Variants in ATP8A2 observed in about 807,000 individuals in gnomAD.
ATP8A2 encodes phospholipid-transporting ATPase IB.
In ATP8A2, 100 loss-of-function variants were observed where a neutral mutation model predicts 165.6. That is an observed-to-expected ratio of 0.60 (90% CI 0.51 to 0.71). ATP8A2 has a LOEUF of 0.71. Among genes scored for constraint, ATP8A2 ranks in the 30% least tolerant of loss-of-function variants. The pLI, the probability that ATP8A2 is intolerant of heterozygous loss-of-function variation, is 0.00. For missense variants in ATP8A2, 1,227 were observed against 1,479.5 expected (o/e 0.83, Z 2.80); for synonymous variants, 543 against 548.8 (o/e 0.99, Z 0.15).
chr13:25,599,916 T>G (rs1197018773), intron 24 of ATP8A2, among the ~76,000 whole-genome samples: 5 of 152,214 alleles, frequency 3.3e-5, no homozygotes, highest in Non-Finnish European at 2.9e-5. Context: ...ACCTTTGGAA[T>G]ATTTCTTAGA....
chr13:25,930,343 G>C (rs192289909), intron 33 of ATP8A2, among the ~76,000 whole-genome samples: 1 of 152,092 alleles, frequency 6.6e-6, no homozygotes, highest in African/African-American at 2.4e-5. Flanking sequence ...TAGCTTCCCC[G>C]TAAAGCACTA....
intron 2 of ATP8A2, among the ~76,000 whole-genome samples, chr13:25,505,414 T>G (rs1417955819): frequency 2.0e-5 from 3 of 152,242 alleles, no homozygotes; most frequent in Non-Finnish European, 4.4e-5. Context: ...TTTTAAAGTC[T>G]GATTAGTAAA....
chr13:25,444,878 T>C (rs1365500712), intron 1 of ATP8A2, among the ~76,000 whole-genome samples: 1 of 152,178 alleles, frequency 6.6e-6, no homozygotes, highest in Admixed American at 6.5e-5. Flanking sequence ...ACTCAGATGA[T>C]CCACCTGCCT....
At chr13:25,595,532 A>G (rs951026428) in intron 24 of ATP8A2, among the ~76,000 whole-genome samples, 2 of 152,022 alleles carry the variant, frequency 1.3e-5, no homozygotes, top group African/African-American at 4.8e-5. Flanking sequence ...AGCCCTTCCC[A>G]TTTTGCTGGC....
At chr13:25,592,025 C>A (rs2040096491) in intron 24 of ATP8A2, among the ~76,000 whole-genome samples, 2 of 106,952 alleles carry the variant, frequency 1.9e-5, no homozygotes, top group East Asian at 3.9e-4. Flanking sequence ...CTTGCCAACA[C>A]TGGTTTTTTT....
At chr13:25,826,430 G>A (rs1265658508) in intron 27 of ATP8A2, among the ~76,000 whole-genome samples, 5 of 152,146 alleles carry the variant, frequency 3.3e-5, no homozygotes, top group African/African-American at 7.2e-5. Flanking sequence ...TTGATCTCAC[G>A]GGGACTTGGT....
At chr13:25,630,652 C>T (rs1163859634) in intron 24 of ATP8A2, among the ~76,000 whole-genome samples, 1 of 152,162 alleles carries the variant, frequency 6.6e-6, no homozygotes. Context: ...ATGGGCTCTA[C>T]AGGAAATCTT....
chr13:25,842,401 G>A (rs887909399), intron 30 of ATP8A2, among the ~76,000 whole-genome samples: 4 of 152,174 alleles, frequency 2.6e-5, no homozygotes, highest in Non-Finnish European at 4.4e-5. Flanking sequence ...GTGGCTGGGC[G>A]TGGTGTCTCA....
At chr13:26,010,634 G>A (rs764879242) in intron 35 of ATP8A2, among the ~76,000 whole-genome samples, 19 of 152,188 alleles carry the variant, frequency 1.2e-4, no homozygotes, top group South Asian at 2.1e-4. Flanking sequence ...GTGGACAGTC[G>A]GTGATGGCAG....
intron 24 of ATP8A2, among the ~76,000 whole-genome samples, chr13:25,603,215 C>T (rs529959784): frequency 2.8e-4 from 43 of 152,194 alleles, no homozygotes; most frequent in South Asian, 1.0e-3. Context: ...TGGCTAGGCA[C>T]GGTGGCTCAC....
intron 33 of ATP8A2, among the ~76,000 whole-genome samples, chr13:25,942,521 C>A (rs534786395): frequency 3.5e-4 from 53 of 152,334 alleles, no homozygotes; most frequent in Non-Finnish European, 4.9e-4. Context: ...CTCCCGGGCT[C>A]AAGCGATTCT....
intron 28 of ATP8A2, among the ~76,000 whole-genome samples, chr13:25,828,477 G>T (rs1038697530): frequency 2.6e-5 from 4 of 152,160 alleles, no homozygotes; most frequent in African/African-American, 9.7e-5. Flanking sequence ...ACATGCCTGT[G>T]CAACACTTTC....
At chr13:25,928,342 G>A (rs756379548) in intron 33 of ATP8A2, among the ~76,000 whole-genome samples, 6 of 152,154 alleles carry the variant, frequency 3.9e-5, no homozygotes, top group Non-Finnish European at 5.9e-5. Context: ...CATTTATTCC[G>A]TTGACTTCTC....
At chr13:25,600,636 C>G (rs1016964646) in intron 24 of ATP8A2, among the ~76,000 whole-genome samples, 1 of 152,170 alleles carries the variant, frequency 6.6e-6, no homozygotes, top group Non-Finnish European at 1.5e-5. Context: ...CCACTGCCAA[C>G]GTCCTGGCAT....
At chr13:25,570,974 C>A in intron 17 of ATP8A2, 102 bp downstream of exon 17, 1 of 809,008 alleles carries the variant, frequency 1.2e-6, no homozygotes, top group Non-Finnish European at 1.9e-6. Context: ...CCCACAGACT[C>A]GGCTGTCTGC....
intron 23 of ATP8A2, 124 bp from the exon 24 acceptor site, chr13:25,589,511 C>T (rs2040010993): frequency 1.5e-6 from 1 of 663,294 alleles, no homozygotes; most frequent in Non-Finnish European, 2.7e-6. Context: ...CTACTCCTCA[C>T]TGTTACCCTA....
intron 33 of ATP8A2, among the ~76,000 whole-genome samples, chr13:25,863,099 G>A (rs1952403440): frequency 6.6e-6 from 1 of 152,134 alleles, no homozygotes; most frequent in Non-Finnish European, 1.5e-5. Context: ...CAAGGAAGCT[G>A]TGCAGGCCCA....
At chr13:25,830,177 T>A (rs1951426208) in intron 28 of ATP8A2, among the ~76,000 whole-genome samples, 1 of 151,812 alleles carries the variant, frequency 6.6e-6, no homozygotes, top group African/African-American at 2.4e-5. Flanking sequence ...GCCAGCTAAT[T>A]AAAAAACATT....
intron 25 of ATP8A2, among the ~76,000 whole-genome samples, chr13:25,751,021 C>T (rs1447187540): frequency 1.3e-5 from 2 of 152,186 alleles, no homozygotes; most frequent in Non-Finnish European, 2.9e-5. Flanking sequence ...ACAGCTAGTA[C>T]TGCGTCTTTG....
Sources: allele counts gnomAD v4.1 joint callset (sites outside exome capture counted in the v4.1 genomes callset), GRCh38; gene constraint gnomAD v4.1.1; transcripts MANE v1.5; gene names NCBI Gene and HGNC (gene_info 2026-07-23, HGNC 2026-07-21).